TANGO2: variants seen among roughly 807,000 people sequenced by gnomAD.
The protein encoded by TANGO2 is transport and golgi organization 2 homolog, also known as transport and Golgi organization protein 2 homolog.
Under a neutral mutation model 39.1 loss-of-function variants are expected in TANGO2, and 26 were observed. That is an observed-to-expected ratio of 0.67 (90% CI 0.49 to 0.92). TANGO2 has a LOEUF of 0.92. Among genes scored for constraint, TANGO2 ranks in the 40% least tolerant of loss-of-function variants. The pLI is 0.00. For synonymous variants in TANGO2, 131 were observed against 144.5 expected (o/e 0.91, Z 0.67); for missense variants, 326 against 360.1 (o/e 0.91, Z 0.77).
At chr22:20,056,653 G>A in intron 6 of TANGO2, 1 of 456,682 alleles carries the variant, frequency 2.2e-6, no homozygotes, top group Non-Finnish European at 4.4e-6. Context: ...TGGAGAGAAT[G>A]TGTCACATTG....
In TANGO2 at chr22:20,061,739, G is replaced by A. The variant is rs1046296896; in HGVS notation, c.605+56G>A. Reference sequence around the variant, plus strand: ...CCAGTGTCCCGCCACCAGGGCAGAGGGAAAGGCAGGCCCTGCTGCCCCGGG... The same window carrying A: ...CCAGTGTCCCGCCACCAGGGCAGAGAGAAAGGCAGGCCCTGCTGCCCCGGG... On this transcript the variant is annotated intron_variant, in intron 7 of 8. Coordinates refer to ENST00000327374, the MANE Select transcript of TANGO2 (RefSeq NM_152906.7). 377 of 1,489,004 alleles carry A rather than the reference G, an allele frequency of 2.5e-4. 4 individuals carry two copies. The highest frequency in any genetic ancestry group is 2.4e-4 in the Middle Eastern group (1 of 4,186). The allele number at this position is 1,489,004 out of a possible 1,614,324, so 92.2% of individuals were successfully genotyped here. A position where few individuals can be genotyped will look rare whatever the true frequency, so the allele number is the denominator to read the frequency against.
chr22:20,020,549 A>G (rs2039499206), upstream of TANGO2, among the ~76,000 whole-genome samples: 1 of 152,036 alleles, frequency 6.6e-6, no homozygotes, highest in African/African-American at 2.4e-5. Flanking sequence ...TGCAGGGTAT[A>G]GTGCTCAAAT....
At chr22:20,059,913 T>C (rs1368403293) in intron 6 of TANGO2, among the ~76,000 whole-genome samples, 1 of 152,138 alleles carries the variant, frequency 6.6e-6, no homozygotes, top group Non-Finnish European at 1.5e-5. Context: ...TAGAGTTTTA[T>C]AGCTTTTGCT....
chr22:20,046,460 ATTTTTTTTTT>A (rs695718), intron 3 of TANGO2, among the ~76,000 whole-genome samples: 1 of 98,552 alleles, frequency 1.0e-5, no homozygotes, highest in Non-Finnish European at 2.0e-5. Context: ...AGGCTGGGTA[ATTTTTTTTTT>A]TTTTTTTTTT....
chr22:20,056,446 C>T (rs1314952938), intron 6 of TANGO2: 7 of 460,490 alleles, frequency 1.5e-5, no homozygotes, highest in African/African-American at 1.2e-4. Context: ...GCCTCCTGCA[C>T]CCAGTCCCCA....
At chr22:20,023,809 G>A (rs1292562455) in intron 1 of TANGO2, among the ~76,000 whole-genome samples, 1 of 150,526 alleles carries the variant, frequency 6.6e-6, no homozygotes, top group African/African-American at 2.5e-5. Context: ...AGTGAGCCGG[G>A]ATCGTGCCAC....
intron 1 of TANGO2, among the ~76,000 whole-genome samples, chr22:20,024,843 C>T (rs897725211): frequency 1.3e-5 from 2 of 152,158 alleles, no homozygotes; most frequent in Non-Finnish European, 2.9e-5. Context: ...GTCCCATCCC[C>T]TCTGGCCCCC....
intron 3 of TANGO2, among the ~76,000 whole-genome samples, chr22:20,046,770 GT>G (rs1243348032): frequency 6.6e-6 from 1 of 152,060 alleles, no homozygotes; most frequent in Non-Finnish European, 1.5e-5. Context: ...TTTACATTGG[GT>G]ATTTCTCCTA....
At chr22:20,043,204 C>G (rs2044312913) in intron 2 of TANGO2, 151 bp from the exon 3 acceptor site, 1 of 622,732 alleles carries the variant, frequency 1.6e-6, no homozygotes, top group African/African-American at 1.8e-5. Flanking sequence ...GTGCTCCTTC[C>G]TCCAGTGTGG....
At chr22:20,053,199 C>G (rs1274134536) in intron 4 of TANGO2, among the ~76,000 whole-genome samples, 1 of 152,034 alleles carries the variant, frequency 6.6e-6, no homozygotes, top group South Asian at 2.1e-4. Flanking sequence ...GCTGGATTTC[C>G]ATAGGAAGAC....
upstream of TANGO2, chr22:20,017,043 C>CGGCGGT: frequency 6.6e-6 from 1 of 152,328 alleles, no homozygotes; most frequent in South Asian, 2.1e-4. Context: ...ACCTCTGCGG[C>CGGCGGT]GGCGGTGGCA....
At chr22:20,033,052 C>T (rs1273200952) in intron 1 of TANGO2, 27 of 381,034 alleles carry the variant, frequency 7.1e-5, no homozygotes, top group East Asian at 6.6e-4. Context: ...GGTCACAGGT[C>T]GGGGGAGGTG....
At chr22:20,031,748 G>T (rs894498810) in intron 1 of TANGO2, among the ~76,000 whole-genome samples, 7 of 152,248 alleles carry the variant, frequency 4.6e-5, no homozygotes, top group Non-Finnish European at 7.3e-5. Flanking sequence ...GGGATCAGCA[G>T]ATCCTGCTAT....
At chr22:20,030,094 C>T (rs1377607364) in intron 1 of TANGO2, among the ~76,000 whole-genome samples, 1 of 151,660 alleles carries the variant, frequency 6.6e-6, no homozygotes, top group Non-Finnish European at 1.5e-5. Context: ...CAGCGCATTT[C>T]CTTCCCAGGG....
At chr22:20,063,132 G>T in intron 7 of TANGO2, 1 of 552,096 alleles carries the variant, frequency 1.8e-6, no homozygotes, top group South Asian at 2.3e-5. Flanking sequence ...CTCTAGTCTG[G>T]GCGACAAGAG....
In TANGO2 at chr22:20,064,792, C is replaced by A; in HGVS notation, c.*130C>A. ...TTGGCCAGCATCCCCCGGATCAGGG[C>A]CCTGTGGTTTGCGTGTTACCCATCT... is the stretch of plus-strand genomic sequence containing the variant. On this transcript the variant is annotated 3_prime_UTR_variant, in exon 9 of 9. Coordinates refer to ENST00000327374, the MANE Select transcript of TANGO2 (RefSeq NM_152906.7). 1 of 1,231,486 alleles carries A rather than the reference C, an allele frequency of 8.1e-7. No individual in the cohort carries two copies. The highest frequency in any genetic ancestry group is 1.5e-5 in the African/African-American group (1 of 65,892). 76.3% of individuals were successfully genotyped at this position (1,231,486 alleles called of 1,614,324 possible).
At chr22:20,025,255 G>A (rs1042167826) in intron 1 of TANGO2, among the ~76,000 whole-genome samples, 1 of 151,242 alleles carries the variant, frequency 6.6e-6, no homozygotes, top group Admixed American at 6.6e-5. Context: ...ACCACGCCCT[G>A]CTAATTTTTG....
chr22:20,028,823 T>C (rs1033353642), intron 1 of TANGO2, among the ~76,000 whole-genome samples: 5 of 152,226 alleles, frequency 3.3e-5, no homozygotes, highest in African/African-American at 1.2e-4. Context: ...TTTGAGGCCC[T>C]GTCAGCATGG....
chr22:20,056,384 C>T, intron 6 of TANGO2: 1 of 497,608 alleles, frequency 2.0e-6, no homozygotes, highest in Non-Finnish European at 3.9e-6. Flanking sequence ...CTTGCCTGGT[C>T]TGCTCCCTGA....
Sources: allele counts gnomAD v4.1 joint callset (sites outside exome capture counted in the v4.1 genomes callset), GRCh38; gene constraint gnomAD v4.1.1; transcripts MANE v1.5; gene names NCBI Gene and HGNC (gene_info 2026-07-23, HGNC 2026-07-21).